The following TMEM232 variants were observed in gnomAD, a reference collection of about 807,000 sequenced individuals.
The protein encoded by TMEM232 is transmembrane protein 232.
Under a neutral mutation model 78.8 loss-of-function variants are expected in TMEM232, and 80 were observed. The ratio of observed to expected loss-of-function variants is 1.01; its 90% CI spans 0.85 to 1.22. The LOEUF (loss-of-function observed/expected upper bound fraction) is 1.22, where lower values mean the gene tolerates loss of function less well. TMEM232 is among the 50% of genes most tolerant of loss of function. TMEM232 has a pLI of 0.00. For synonymous variants in TMEM232, 297 were observed against 254.3 expected, an observed-to-expected ratio of 1.17 and a Z score of -1.60; for missense variants, 881 against 742.2, an observed-to-expected ratio of 1.19 and a Z score of -2.17.
At chr5:110,399,704 T>C (rs1464742348) in intron 2 of TMEM232, among the ~76,000 whole-genome samples, 1 of 152,140 alleles carries the variant, frequency 6.6e-6, no homozygotes, top group African/African-American at 2.4e-5. Flanking sequence ...TTTTAAGCTC[T>C]TCTTGATTTC....
intron 12 of TMEM232, among the ~76,000 whole-genome samples, chr5:110,510,046 T>G (rs889809417): frequency 6.6e-6 from 1 of 152,198 alleles, no homozygotes; most frequent in South Asian, 2.1e-4. Flanking sequence ...TTTCCATATA[T>G]TGAATGGTGA....
chr5:110,650,205 A>G (rs1165488779), intron 2 of TMEM232, among the ~76,000 whole-genome samples: 1 of 151,956 alleles, frequency 6.6e-6, no homozygotes, highest in Non-Finnish European at 1.5e-5. Flanking sequence ...ATATGATTTT[A>G]TTTTCCTTTA....
intron 11 of TMEM232, among the ~76,000 whole-genome samples, chr5:110,560,591 A>C (rs1382893170): frequency 2.0e-5 from 3 of 152,176 alleles, no homozygotes; most frequent in Non-Finnish European, 2.9e-5. Flanking sequence ...ATCTCCAAAC[A>C]ATTGATAAAA....
intron 2 of TMEM232, among the ~76,000 whole-genome samples, chr5:110,651,528 G>C (rs891986960): frequency 6.6e-6 from 1 of 152,018 alleles, no homozygotes; most frequent in Non-Finnish European, 1.5e-5. Context: ...TCAAGGAGCG[G>C]GCTGGGGACT....
At chr5:110,405,953 A>G (rs1580565117) in intron 2 of TMEM232, among the ~76,000 whole-genome samples, 1 of 152,114 alleles carries the variant, frequency 6.6e-6, no homozygotes, top group East Asian at 1.9e-4. Context: ...AAAGAAGAAA[A>G]ACACACATAG....
At chr5:110,438,281 G>C (rs904376197) in intron 12 of TMEM232, among the ~76,000 whole-genome samples, 1 of 150,898 alleles carries the variant, frequency 6.6e-6, no homozygotes. Context: ...ATATTCCTCT[G>C]CCTTCCTTCA....
intron 10 of TMEM232, among the ~76,000 whole-genome samples, chr5:110,572,309 C>T (rs1777045253): frequency 6.6e-6 from 1 of 151,904 alleles, no homozygotes; most frequent in Admixed American, 6.6e-5. Flanking sequence ...ACTGAGATTG[C>T]TGATTTGTGG....
intron 1 of TMEM232, among the ~76,000 whole-genome samples, chr5:110,710,416 A>C (rs1796354270): frequency 6.6e-6 from 1 of 152,160 alleles, no homozygotes; most frequent in Non-Finnish European, 1.5e-5. Flanking sequence ...TTACTCTCAC[A>C]GCAAAATCAG....
intron 11 of TMEM232, among the ~76,000 whole-genome samples, chr5:110,554,152 G>T (rs1364450590): frequency 6.6e-6 from 1 of 152,120 alleles, no homozygotes; most frequent in African/African-American, 2.4e-5. Context: ...TGCCAAAGGA[G>T]ATTAACATTT....
At chr5:110,708,075 C>T (rs1796118715) in intron 1 of TMEM232, among the ~76,000 whole-genome samples, 1 of 152,096 alleles carries the variant, frequency 6.6e-6, no homozygotes, top group Non-Finnish European at 1.5e-5. Context: ...AGGTGAGATC[C>T]AGTACACTTG....
intron 12 of TMEM232, among the ~76,000 whole-genome samples, chr5:110,435,247 G>C (rs1282555850): frequency 6.6e-6 from 1 of 151,546 alleles, no homozygotes; most frequent in Non-Finnish European, 1.5e-5. Context: ...TAAAATCAAT[G>C]CACAAAAATC....
Position 110,624,973 on chromosome 5 carries a change from A to C in TMEM232, c.768+294T>G, listed in dbSNP as rs568718540. On this transcript the variant is annotated intron_variant, in intron 7 of 13. Transcript: ENST00000455884. ...CAAAAAAATAAAAGAAGTTTTTGAAATGCTTACTGGTCTTTTTTGGAAAAT... is the reference window on the plus strand; with the variant it reads ...CAAAAAAATAAAAGAAGTTTTTGAACTGCTTACTGGTCTTTTTTGGAAAAT... Among the ~76,000 whole-genome samples the C allele has an allele frequency of 3.3e-5, 5 of 152,212 alleles. No homozygotes were observed. In the South Asian group the frequency reaches 1.0e-3, roughly 32 times the overall value.
intron 5 of TMEM232, among the ~76,000 whole-genome samples, chr5:110,637,914 ACT>A (rs1015254939): frequency 4.6e-5 from 7 of 151,768 alleles, no homozygotes; most frequent in African/African-American, 1.7e-4. Context: ...GAAAAGAAAA[ACT>A]CTATATATAC....
Position 110,420,496 on chromosome 5 carries a change from CTATGTAGCTATCTTGGTA to C in TMEM232, c.*66_*83del. 1.2e-6 allele frequency: 1 copy of C among 836,634 alleles called. No homozygotes were observed. Among genetic ancestry groups the C allele is most frequent in the South Asian group, 2.5e-5 (1 of 39,424 alleles). The allele number at this position is 836,634 out of a possible 1,614,324, so 51.8% of individuals were successfully genotyped here. A position where few individuals can be genotyped will look rare whatever the true frequency, so the allele number is the denominator to read the frequency against. On this transcript the variant is annotated 3_prime_UTR_variant, in exon 14 of 14. Coordinates refer to ENST00000455884, the MANE Select transcript of TMEM232 (RefSeq NM_001039763.4). The stretch of plus-strand genomic sequence containing the variant: ...ATTTAATGACAAGAAAGTTCTCTTA[CTATGTAGCTATCTTGGTA>C]TTTTTCATCCTATGTATTTCTGCCA...
At chr5:110,414,505 TACC>T (rs1756116525), downstream of TMEM232, among the ~76,000 whole-genome samples, 3 of 152,226 alleles carry the variant, frequency 2.0e-5, no homozygotes, top group African/African-American at 7.2e-5. Context: ...TTTAATTTTA[TACC>T]ACATTTTAAC....
intron 13 of TMEM232, among the ~76,000 whole-genome samples, chr5:110,422,218 C>A (rs547755124): frequency 6.6e-6 from 1 of 151,986 alleles, no homozygotes; most frequent in African/African-American, 2.4e-5. Context: ...TGAAATATTT[C>A]GATAGATCTC....
At chr5:110,488,770 G>A (rs1048253987) in intron 12 of TMEM232, among the ~76,000 whole-genome samples, 15 of 151,890 alleles carry the variant, frequency 9.9e-5, no homozygotes, top group African/African-American at 3.6e-4. Context: ...AGAACGAAAA[G>A]TTGGTTCTTT....
At chr5:110,738,110 C>A, upstream of TMEM232, 1 of 687,038 alleles carries the variant, frequency 1.5e-6, no homozygotes, top group Non-Finnish European at 2.0e-6. Context: ...GAGAACTGCA[C>A]GTCAGAGTTC....
At chr5:110,482,641 A>G (rs1236765546) in intron 12 of TMEM232, among the ~76,000 whole-genome samples, 1 of 151,052 alleles carries the variant, frequency 6.6e-6, no homozygotes, top group Non-Finnish European at 1.5e-5. Flanking sequence ...TACATAACCA[A>G]AAGCAGAGAG....
Sources: allele counts gnomAD v4.1 joint callset (sites outside exome capture counted in the v4.1 genomes callset), GRCh38; gene constraint gnomAD v4.1.1; transcripts MANE v1.5; gene names NCBI Gene and HGNC (gene_info 2026-07-23, HGNC 2026-07-21).